ART3: variants seen among roughly 807,000 people sequenced by gnomAD.
The protein encoded by ART3 is ecto-ADP-ribosyltransferase 3.
In ART3, 49 loss-of-function variants were observed where a neutral mutation model predicts 48.5. That is an observed-to-expected ratio of 1.01 (90% confidence interval 0.80 to 1.28). The LOEUF is 1.28. Ranked by LOEUF, ART3 falls within the 50% of genes most tolerant of loss-of-function variation. ART3 has a pLI of 0.00. For missense variants in ART3, 438 were observed against 454.3 expected, an observed-to-expected ratio of 0.96 and a Z score of 0.33; for synonymous variants, 145 against 157.2, an observed-to-expected ratio of 0.92 and a Z score of 0.58.
chr4:76,038,835 G>A (rs781599311), intron 1 of ART3, among the ~76,000 whole-genome samples: 1 of 152,028 alleles, frequency 6.6e-6, no homozygotes, highest in Non-Finnish European at 1.5e-5. Flanking sequence ...TGATTCGCCT[G>A]CCTCAGCCTC....
intron 1 of ART3, among the ~76,000 whole-genome samples, chr4:76,015,580 T>C (rs569058714): frequency 1.9e-4 from 29 of 152,344 alleles, no homozygotes; most frequent in African/African-American, 6.3e-4. Context: ...GTAATAACTT[T>C]AAATGTAAAT....
intron 1 of ART3, among the ~76,000 whole-genome samples, chr4:76,048,242 G>A (rs1392879066): frequency 3.3e-5 from 5 of 151,818 alleles, no homozygotes; most frequent in Non-Finnish European, 7.4e-5. Context: ...TGGACATAAG[G>A]TATTTCACTC....
chr4:76,095,465 G>A (rs1267002908), intron 3 of ART3, among the ~76,000 whole-genome samples: 1 of 152,146 alleles, frequency 6.6e-6, no homozygotes, highest in Non-Finnish European at 1.5e-5. Context: ...CCGAGATCGT[G>A]CCACTGCACT....
At chr4:76,027,092 A>G (rs1293028070) in intron 1 of ART3, among the ~76,000 whole-genome samples, 1 of 152,114 alleles carries the variant, frequency 6.6e-6, no homozygotes, top group Non-Finnish European at 1.5e-5. Flanking sequence ...TCTCTACTAA[A>G]AATACAAAAA....
chr4:76,096,361 C>T (rs73826312), intron 3 of ART3, among the ~76,000 whole-genome samples: 1,851 of 152,324 alleles, frequency 0.012, 42 homozygotes, highest in African/African-American at 0.042. Context: ...ACCAAATCAC[C>T]TGGGTTTTTG....
At chr4:76,089,282 G>T (rs972847821) in intron 3 of ART3, among the ~76,000 whole-genome samples, 1 of 152,086 alleles carries the variant, frequency 6.6e-6, no homozygotes, top group Admixed American at 6.5e-5. Flanking sequence ...GATATGGTTT[G>T]GATCTGTGTT....
rs146412113 is a variant in ART3, at chr4:76,107,680, T to G, written c.1004-81T>G. 60 of 992,266 alleles carry G rather than the reference T, an allele frequency of 6.0e-5. No homozygotes were observed. In the African/African-American group the frequency reaches 9.6e-4, roughly 16 times the overall value. 61.5% of individuals were successfully genotyped at this position (992,266 alleles called of 1,614,324 possible). A position where few individuals can be genotyped will look rare whatever the true frequency, so the allele number is the denominator to read the frequency against. On this transcript the variant is annotated intron_variant, in intron 10 of 11. Transcript: ENST00000355810. ...ACCCACTCACAGAGATAACCAAGTT[T>G]GCTTAATTTTTAATCAGATCTTTCT...
At chr4:76,057,166 T>A (rs755027738) in intron 1 of ART3, among the ~76,000 whole-genome samples, 8 of 152,194 alleles carry the variant, frequency 5.3e-5, no homozygotes, top group Admixed American at 2.0e-4. Flanking sequence ...AATATTGATA[T>A]GTGTTATTAT....
intron 1 of ART3, among the ~76,000 whole-genome samples, chr4:76,043,226 C>T (rs1055284517): frequency 6.6e-6 from 1 of 152,080 alleles, no homozygotes; most frequent in Admixed American, 6.6e-5. Context: ...GCCCAGCTGG[C>T]TTCACGCAGT....
Position 76,017,600 on chromosome 4 carries a change from C to T in ART3, c.-10+6280C>T, listed in dbSNP as rs1187293890. ...GTTGGTGTCTCATTAGGTCATGTTC[C>T]CCCAACTAGGTTGTGCACTCCCCAA... On this transcript the variant is annotated intron_variant, in intron 1 of 9. Transcript: ENST00000341029. Among the ~76,000 whole-genome samples the T allele has an allele frequency of 3.3e-5, 5 of 151,940 alleles. No individual in the cohort carries two copies. In the East Asian group the frequency reaches 9.7e-4, roughly 29 times the overall value.
intron 1 of ART3, among the ~76,000 whole-genome samples, chr4:76,075,498 ACT>A (rs1025501784): frequency 2.6e-5 from 4 of 152,030 alleles, no homozygotes; most frequent in Admixed American, 2.6e-4. Flanking sequence ...CCAATTTGAG[ACT>A]GCTGTTTTTT....
intron 1 of ART3, among the ~76,000 whole-genome samples, chr4:76,048,334 C>T (rs1735709952): frequency 6.6e-6 from 1 of 151,816 alleles, no homozygotes; most frequent in African/African-American, 2.4e-5. Context: ...CCATTTTTCC[C>T]CATCAGAGAG....
upstream of ART3, among the ~76,000 whole-genome samples, chr4:76,070,375 A>C (rs1720192535): frequency 6.6e-6 from 1 of 152,150 alleles, no homozygotes; most frequent in Admixed American, 6.5e-5. Context: ...CTTTAATTTT[A>C]GCCATTCTAG....
At chr4:76,022,865 T>G (rs770618330) in intron 1 of ART3, 1 of 1,576,708 alleles carries the variant, frequency 6.3e-7, no homozygotes, top group South Asian at 1.2e-5. Flanking sequence ...GTGTTCATTT[T>G]AGGCATTTAA....
intron 1 of ART3, among the ~76,000 whole-genome samples, chr4:76,023,902 T>G (rs997475154): frequency 2.0e-5 from 3 of 152,222 alleles, no homozygotes; most frequent in Non-Finnish European, 4.4e-5. Flanking sequence ...TAAACCTAAT[T>G]TTTTGGTAAC....
chr4:76,033,713 A>T (rs530831422), intron 1 of ART3: 2 of 152,350 alleles, frequency 1.3e-5, no homozygotes, highest in South Asian at 4.1e-4. Context: ...GTGGTAGTTT[A>T]TTAGAGAAAA....
chr4:76,035,594 C>G (rs1304140621), intron 1 of ART3, among the ~76,000 whole-genome samples: 1 of 152,122 alleles, frequency 6.6e-6, no homozygotes, highest in East Asian at 1.9e-4. Context: ...TTGTTTTGCC[C>G]CCTTGATTTT....
At chr4:76,017,362 A>G (rs1428421867) in intron 1 of ART3, among the ~76,000 whole-genome samples, 1 of 151,896 alleles carries the variant, frequency 6.6e-6, no homozygotes, top group East Asian at 1.9e-4. Context: ...ATGTCTAGAA[A>G]TGTCATCCAA....
intron 1 of ART3, among the ~76,000 whole-genome samples, chr4:76,063,594 C>G (rs1172860671): frequency 6.6e-6 from 1 of 152,130 alleles, no homozygotes; most frequent in African/African-American, 2.4e-5. Flanking sequence ...AATAAGGTCT[C>G]TCCGGTTGTG....
Sources: gnomAD v4.1 joint callset for allele counts (sites outside exome capture counted in the v4.1 genomes callset) on GRCh38, gnomAD v4.1.1 for gene constraint, MANE v1.5 for transcripts, NCBI Gene and HGNC (gene_info 2026-07-23, HGNC 2026-07-21) for gene names.